MISFA: variants seen among roughly 807,000 people sequenced by gnomAD.
The protein encoded by MISFA is mitochondrial sheath formation-associated protein.
At chr11:18,600,512 C>CTTTTTTTTTTT in the MISFA span, among the ~76,000 whole-genome samples, 1 of 54,030 alleles carries the variant, frequency 1.9e-5, no homozygotes, top group East Asian at 7.1e-4. Context: ...TGGGGACATC[C>CTTTTTTTTTTT]TTTTTTTTTT....
chr11:18,603,747 A>G, the MISFA span: 1 of 399,050 alleles, frequency 2.5e-6, no homozygotes, highest in Non-Finnish European at 4.4e-6. Context: ...CCTGCATGAC[A>G]CACACTTTCT....
the MISFA span, chr11:18,601,481 T>C: frequency 2.5e-6 from 1 of 395,800 alleles, no homozygotes; most frequent in Non-Finnish European, 4.4e-6. Context: ...CAGGTCTTGC[T>C]CTGCCACCCA....
At chr11:18,600,602 G>A in the MISFA span, among the ~76,000 whole-genome samples, 41 of 136,298 alleles carry the variant, frequency 3.0e-4, no homozygotes, top group Non-Finnish European at 1.2e-4. Flanking sequence ...CTCACTGCAA[G>A]CTCTGCCTCC....
the MISFA span, chr11:18,608,987 G>C: frequency 6.7e-6 from 1 of 150,216 alleles, no homozygotes; most frequent in Non-Finnish European, 1.5e-5. Flanking sequence ...TGATGGGGGA[G>C]GGGAGGAGGG....
the MISFA span, chr11:18,601,593 A>C: frequency 2.5e-6 from 1 of 397,030 alleles, no homozygotes; most frequent in Non-Finnish European, 4.4e-6. Context: ...TTATTTTTTT[A>C]GAGACAAGGT....
At chr11:18,602,254 A>G in the MISFA span, 9 of 152,350 alleles carry the variant, frequency 5.9e-5, no homozygotes, top group Middle Eastern at 0.01. Flanking sequence ...AGAGAAACTT[A>G]ACTCGGAGAG....
At chr11:18,604,063 A>G in the MISFA span, 165,778 of 255,932 alleles carry the variant, frequency 0.65, 55,968 homozygotes, top group Middle Eastern at 0.77. Context: ...AGTAGCTGGG[A>G]CTACAGGCGC....
chr11:18,601,446 CT>C, the MISFA span: 57,293 of 331,586 alleles, frequency 0.17, 88 homozygotes, highest in East Asian at 0.24. Context: ...TAATAGCATT[CT>C]TTTTTTTTTT....
chr11:18,604,116 C>T, the MISFA span, among the ~76,000 whole-genome samples: 1 of 151,458 alleles, frequency 6.6e-6, no homozygotes, highest in Admixed American at 6.6e-5. Context: ...TTAGTAGAGA[C>T]GGGGTTTCAC....
At chr11:18,600,896 A>G in the MISFA span, among the ~76,000 whole-genome samples, 1 of 152,094 alleles carries the variant, frequency 6.6e-6, no homozygotes, top group Non-Finnish European at 1.5e-5. Context: ...GCACTATGGA[A>G]TTTGCAAGGG....
chr11:18,604,518 C>T, the MISFA span, among the ~76,000 whole-genome samples: 1 of 151,244 alleles, frequency 6.6e-6, no homozygotes, highest in East Asian at 2.0e-4. Context: ...TTAGCTAGGG[C>T]GTGGTGTGGT....
chr11:18,604,391 C>T, the MISFA span, among the ~76,000 whole-genome samples: 9 of 152,042 alleles, frequency 5.9e-5, no homozygotes, highest in Admixed American at 1.3e-4. Flanking sequence ...CGCGATGGCT[C>T]ACACGTGTGA....
the MISFA span, among the ~76,000 whole-genome samples, chr11:18,605,572 CTTTAGTAATT>C: frequency 1.8e-4 from 27 of 152,128 alleles, 1 homozygote; most frequent in Admixed American, 4.6e-4. Flanking sequence ...ATAAGCAAAA[CTTTAGTAATT>C]TCTGACTCTA....
At chr11:18,604,583 C>T in the MISFA span, among the ~76,000 whole-genome samples, 693 of 151,216 alleles carry the variant, frequency 4.6e-3, 10 homozygotes, top group African/African-American at 0.016. Flanking sequence ...GAGCTGAGAT[C>T]GGCCACTGCA....
chr11:18,601,219 C>A, the MISFA span: 1 of 398,542 alleles, frequency 2.5e-6, no homozygotes, highest in South Asian at 1.3e-4. Context: ...GGATTCCTCC[C>A]TTTCCAAAGT....
At chr11:18,608,444 C>G in the MISFA span, 3 of 152,226 alleles carry the variant, frequency 2.0e-5, no homozygotes, top group Admixed American at 2.0e-4. Context: ...AGGACAATCC[C>G]TCCTACTTCC....
At chr11:18,605,392 C>CT in the MISFA span, among the ~76,000 whole-genome samples, 29 of 152,286 alleles carry the variant, frequency 1.9e-4, no homozygotes, top group African/African-American at 6.5e-4. Context: ...CTGAGGATGA[C>CT]TGATACAGTT....
At chr11:18,605,818 G>A in the MISFA span, among the ~76,000 whole-genome samples, 2 of 152,122 alleles carry the variant, frequency 1.3e-5, no homozygotes, top group Non-Finnish European at 2.9e-5. Flanking sequence ...AGCCCCCTGA[G>A]TAGCAGGGAT....
At chr11:18,601,098 A>C in the MISFA span, 1 of 398,540 alleles carries the variant, frequency 2.5e-6, no homozygotes, top group Admixed American at 4.4e-5. Flanking sequence ...TCAGCCTCCA[A>C]CTCTGAAGTG....
Sources: gnomAD v4.1 joint callset for allele counts (sites outside exome capture counted in the v4.1 genomes callset) on GRCh38, gnomAD v4.1.1 for gene constraint, MANE v1.5 for transcripts, NCBI Gene and HGNC (gene_info 2026-07-23, HGNC 2026-07-21) for gene names.